Variants in ARHGAP24 observed in about 807,000 individuals in gnomAD.
The protein encoded by ARHGAP24 is rho GTPase-activating protein 24.
A neutral mutation model predicts 76.4 loss-of-function variants in ARHGAP24; 50 were observed. That is an observed-to-expected ratio of 0.65 (90% CI 0.52 to 0.83). The LOEUF is 0.83. Ranked by LOEUF, ARHGAP24 falls within the 40% of genes least tolerant of loss-of-function variation. ARHGAP24 has a pLI of 0.00. For synonymous variants in ARHGAP24, 345 were observed against 323.3 expected, an observed-to-expected ratio of 1.07 and a Z score of -0.72; for missense variants, 930 against 914.2, an observed-to-expected ratio of 1.02 and a Z score of -0.22.
intron 3 of ARHGAP24, among the ~76,000 whole-genome samples, chr4:85,917,565 C>G (rs1276151534): frequency 6.6e-6 from 1 of 152,138 alleles, no homozygotes; most frequent in Non-Finnish European, 1.5e-5. Flanking sequence ...CACATCCTCT[C>G]CAACATCTGT....
At chr4:85,652,755 T>G (rs1308964340) in intron 2 of ARHGAP24, among the ~76,000 whole-genome samples, 1 of 152,032 alleles carries the variant, frequency 6.6e-6, no homozygotes, top group African/African-American at 2.4e-5. Context: ...GGTGGCAAGT[T>G]GGGGTGGTAT....
intron 4 of ARHGAP24, among the ~76,000 whole-genome samples, chr4:85,924,047 A>G (rs1735884771): frequency 6.6e-6 from 1 of 152,078 alleles, no homozygotes; most frequent in South Asian, 2.1e-4. Context: ...CATATTACCG[A>G]CAATACACTG....
intron 3 of ARHGAP24, among the ~76,000 whole-genome samples, chr4:85,910,094 G>A (rs1003629570): frequency 6.6e-6 from 1 of 152,188 alleles, no homozygotes; most frequent in African/African-American, 2.4e-5. Flanking sequence ...TCCAGGTGCC[G>A]GCACAGGCAC....
At chr4:85,932,730 A>G (rs547110519) in intron 4 of ARHGAP24, among the ~76,000 whole-genome samples, 1 of 152,228 alleles carries the variant, frequency 6.6e-6, no homozygotes, top group Non-Finnish European at 1.5e-5. Flanking sequence ...TTTTTTATTT[A>G]CAAAGCTGTA....
intron 3 of ARHGAP24, among the ~76,000 whole-genome samples, chr4:85,735,911 T>C (rs1393246147): frequency 6.6e-6 from 1 of 152,202 alleles, no homozygotes; most frequent in East Asian, 1.9e-4. Context: ...TTTAAAAAAA[T>C]CTATCACCGT....
At chr4:85,827,701 C>G (rs543979960) in intron 3 of ARHGAP24, 2 of 326,452 alleles carry the variant, frequency 6.1e-6, no homozygotes, top group Admixed American at 3.9e-5. Flanking sequence ...CTGTACACTC[C>G]TTTTGCTTGT....
intron 3 of ARHGAP24, among the ~76,000 whole-genome samples, chr4:85,828,859 A>G (rs993023938): frequency 2.0e-5 from 3 of 152,128 alleles, no homozygotes; most frequent in Non-Finnish European, 4.4e-5. Flanking sequence ...ATAAATATAT[A>G]GGAGGTTTGT....
At chr4:85,897,685 A>G (rs1042501107) in intron 3 of ARHGAP24, among the ~76,000 whole-genome samples, 4 of 151,930 alleles carry the variant, frequency 2.6e-5, no homozygotes, top group Non-Finnish European at 5.9e-5. Context: ...TCTTTTATTT[A>G]TTTCTCCCTT....
chr4:85,778,709 TG>T (rs1210908973), intron 3 of ARHGAP24: 1 of 985,226 alleles, frequency 1.0e-6, no homozygotes, highest in Non-Finnish European at 1.2e-6. Context: ...ATATATGGGA[TG>T]GGAGGATACT....
chr4:85,871,869 C>A (rs1375924058), intron 3 of ARHGAP24, among the ~76,000 whole-genome samples: 1 of 152,128 alleles, frequency 6.6e-6, no homozygotes, highest in African/African-American at 2.4e-5. Context: ...GTTATATTAT[C>A]TCTCGAAGAC....
intron 5 of ARHGAP24, among the ~76,000 whole-genome samples, chr4:85,965,470 G>A (rs925611630): frequency 1.3e-5 from 2 of 152,026 alleles, no homozygotes; most frequent in African/African-American, 2.4e-5. Flanking sequence ...TTTCCACCAC[G>A]TCTTCCACTG....
chr4:85,779,843 C>T (rs1382264432), intron 3 of ARHGAP24, among the ~76,000 whole-genome samples: 1 of 151,970 alleles, frequency 6.6e-6, no homozygotes, highest in Non-Finnish European at 1.5e-5. Context: ...TGCTGCTGGC[C>T]AATAAAACAA....
intron 3 of ARHGAP24, among the ~76,000 whole-genome samples, chr4:85,913,628 G>A (rs149407267): frequency 5.5e-4 from 83 of 152,124 alleles, no homozygotes; most frequent in African/African-American, 1.9e-3. Context: ...TTTATTCACT[G>A]CTGTATCCTC....
intron 2 of ARHGAP24, among the ~76,000 whole-genome samples, chr4:85,684,979 G>C (rs1229061516): frequency 1.3e-5 from 2 of 152,138 alleles, no homozygotes. Context: ...TATTTGTCCA[G>C]AGGCAATTTT....
intron 2 of ARHGAP24, among the ~76,000 whole-genome samples, chr4:85,631,151 T>C (rs1461902815): frequency 6.6e-6 from 1 of 152,176 alleles, no homozygotes; most frequent in African/African-American, 2.4e-5. Context: ...TTCCATACTC[T>C]GAGATAATTA....
intron 1 of ARHGAP24, among the ~76,000 whole-genome samples, chr4:85,569,938 C>G (rs941375690): frequency 1.4e-4 from 22 of 152,212 alleles, no homozygotes; most frequent in Non-Finnish European, 2.9e-4. Flanking sequence ...CCAACAGACA[C>G]AGAGGCCATA....
intron 3 of ARHGAP24, among the ~76,000 whole-genome samples, chr4:85,922,056 C>A (rs1050434941): frequency 6.6e-6 from 1 of 152,102 alleles, no homozygotes; most frequent in East Asian, 1.9e-4. Context: ...GAGATGTTTG[C>A]TGTAATATAA....
At chr4:85,507,969 T>C (rs1194828957) in intron 1 of ARHGAP24, among the ~76,000 whole-genome samples, 1 of 152,176 alleles carries the variant, frequency 6.6e-6, no homozygotes, top group East Asian at 1.9e-4. Flanking sequence ...GATGAGAAGC[T>C]TTGCTGTCTC....
intron 3 of ARHGAP24, among the ~76,000 whole-genome samples, chr4:85,854,135 CAAA>C (rs35799327): frequency 2.3e-5 from 2 of 85,550 alleles, no homozygotes. Flanking sequence ...GACTCTGTCT[CAAA>C]AAAAAAAAAA....
Sources: allele counts gnomAD v4.1 joint callset (sites outside exome capture counted in the v4.1 genomes callset), GRCh38; gene constraint gnomAD v4.1.1; transcripts MANE v1.5; gene names NCBI Gene and HGNC (gene_info 2026-07-23, HGNC 2026-07-21).